PRKG1: variants seen among roughly 807,000 people sequenced by gnomAD.
PRKG1 encodes the protein cGMP-dependent protein kinase 1.
In PRKG1, 35 loss-of-function variants were observed where a neutral mutation model predicts 88.1. The ratio of observed to expected loss-of-function variants is 0.40; its 90% CI spans 0.30 to 0.53. The LOEUF is 0.53. Among genes scored for constraint, PRKG1 ranks in the 20% least tolerant of loss-of-function variants. PRKG1 has a pLI of 0.59. For missense variants in PRKG1, 540 were observed against 839.8 expected (o/e 0.64, Z 4.41); for synonymous variants, 303 against 292.5 (o/e 1.04, Z -0.37).
chr10:51,073,698 G>C (rs1455260959), upstream of PRKG1, among the ~76,000 whole-genome samples: 1 of 152,148 alleles, frequency 6.6e-6, no homozygotes, highest in Non-Finnish European at 1.5e-5. Flanking sequence ...GAGTAGCAAC[G>C]CCTCGGGTGC....
intron 5 of PRKG1, among the ~76,000 whole-genome samples, chr10:51,947,764 A>AG (rs2133045695): frequency 6.6e-6 from 1 of 152,288 alleles, no homozygotes; most frequent in Non-Finnish European, 1.5e-5. Context: ...GACCAGCCAC[A>AG]GGGGGACTCC....
At chr10:51,033,645 G>T (rs936727157) in intron 1 of PRKG1, among the ~76,000 whole-genome samples, 9 of 152,128 alleles carry the variant, frequency 5.9e-5, no homozygotes, top group African/African-American at 9.7e-5. Flanking sequence ...ATTTCGGAGT[G>T]AAGAGTTATG....
intron 3 of PRKG1, among the ~76,000 whole-genome samples, chr10:51,493,163 G>T (rs1840752354): frequency 6.6e-6 from 1 of 151,884 alleles, no homozygotes; most frequent in African/African-American, 2.4e-5. Flanking sequence ...CACTCCCCTT[G>T]AATATTTAGA....
intron 2 of PRKG1, among the ~76,000 whole-genome samples, chr10:51,359,476 A>G (rs2132583417): frequency 6.6e-6 from 1 of 151,692 alleles, no homozygotes; most frequent in South Asian, 2.1e-4. Flanking sequence ...GTGTGTGTGT[A>G]TACAGGGTCC....
intron 2 of PRKG1, among the ~76,000 whole-genome samples, chr10:51,196,716 T>A (rs954277032): frequency 6.6e-6 from 1 of 152,114 alleles, no homozygotes; most frequent in African/African-American, 2.4e-5. Context: ...TGTGGATAGG[T>A]GTGACTCATA....
At chr10:51,570,801 C>T (rs2132167442) in intron 3 of PRKG1, among the ~76,000 whole-genome samples, 1 of 151,794 alleles carries the variant, frequency 6.6e-6, no homozygotes, top group South Asian at 2.1e-4. Flanking sequence ...GAAATGAGAT[C>T]ACTTCTTTTT....
chr10:51,211,641 C>T (rs1490151903), intron 2 of PRKG1, among the ~76,000 whole-genome samples: 1 of 152,124 alleles, frequency 6.6e-6, no homozygotes, highest in Non-Finnish European at 1.5e-5. Context: ...AATCAATGTA[C>T]AAAAATCACA....
In PRKG1 at chr10:51,304,838, A is replaced by T. The variant is rs1589337776; in HGVS notation, c.478+151508A>T. Among the ~76,000 whole-genome samples, 3 of 152,142 alleles carry T rather than the reference A, an allele frequency of 2.0e-5. No homozygotes were observed. In the East Asian group the frequency reaches 5.8e-4, roughly 29 times the overall value. ...TCATCATTTTTTATGGCTGCATAGTATTCCATGGTGTATATGTGCCACATA... is the reference window on the plus strand; with the variant it reads ...TCATCATTTTTTATGGCTGCATAGTTTTCCATGGTGTATATGTGCCACATA... On this transcript the variant is annotated intron_variant, in intron 2 of 17. Coordinates refer to ENST00000373980, the MANE Select transcript of PRKG1 (RefSeq NM_006258.4).
chr10:52,244,754 A>C (rs1248969991), intron 9 of PRKG1, among the ~76,000 whole-genome samples: 2 of 58,828 alleles, frequency 3.4e-5, no homozygotes, highest in Non-Finnish European at 9.9e-5. Context: ...TTAAATATAT[A>C]TTAAGATATA....
chr10:51,534,666 C>CAAAAA (rs10626534), intron 3 of PRKG1, among the ~76,000 whole-genome samples: 4 of 120,774 alleles, frequency 3.3e-5, no homozygotes, highest in Non-Finnish European at 5.0e-5. Flanking sequence ...GACTCTGTCT[C>CAAAAA]AAAAAAAAAA....
intron 3 of PRKG1, among the ~76,000 whole-genome samples, chr10:51,720,500 C>A (rs10999077): frequency 0.084 from 12,792 of 152,290 alleles, 586 homozygotes; most frequent in South Asian, 0.091. Context: ...CACAGTAACT[C>A]TCAACAATAT....
chr10:51,430,992 T>C (rs1018719487), intron 2 of PRKG1, among the ~76,000 whole-genome samples: 2 of 152,192 alleles, frequency 1.3e-5, no homozygotes, highest in African/African-American at 4.8e-5. Context: ...GATGGAGATG[T>C]TCTTAAGCTG....
At chr10:52,072,422 A>G (rs1846526619) in intron 7 of PRKG1, among the ~76,000 whole-genome samples, 1 of 152,082 alleles carries the variant, frequency 6.6e-6, no homozygotes, top group South Asian at 2.1e-4. Flanking sequence ...GGATTTATAA[A>G]GAGGAGATTA....
chr10:51,860,629 G>A (rs116574774), intron 4 of PRKG1, among the ~76,000 whole-genome samples: 54 of 152,252 alleles, frequency 3.5e-4, no homozygotes, highest in African/African-American at 1.1e-3. Flanking sequence ...CCATCACATC[G>A]TGCTCTAAGG....
chr10:51,396,395 G>T (rs1378121794), intron 2 of PRKG1, among the ~76,000 whole-genome samples: 1 of 141,814 alleles, frequency 7.1e-6, no homozygotes, highest in Non-Finnish European at 1.5e-5. Flanking sequence ...AACTGTCACT[G>T]AAAAAAAAAA....
At chr10:51,831,256 T>C (rs1182304760) in intron 4 of PRKG1, among the ~76,000 whole-genome samples, 3 of 152,170 alleles carry the variant, frequency 2.0e-5, no homozygotes, top group Non-Finnish European at 4.4e-5. Context: ...GTGTCACTTA[T>C]TTATGTATTT....
intron 2 of PRKG1, among the ~76,000 whole-genome samples, chr10:51,355,325 C>G (rs879271958): frequency 2.0e-5 from 3 of 151,900 alleles, no homozygotes; most frequent in Non-Finnish European, 4.4e-5. Flanking sequence ...GTTTTAAGTT[C>G]CTTTGAATAT....
chr10:51,824,621 G>A (rs896622969), intron 4 of PRKG1, among the ~76,000 whole-genome samples: 4 of 152,164 alleles, frequency 2.6e-5, no homozygotes, highest in Non-Finnish European at 5.9e-5. Flanking sequence ...TCTACAGGCT[G>A]TATGAGCATA....
chr10:51,866,157 ATAT>A (rs201058127), intron 4 of PRKG1, among the ~76,000 whole-genome samples: 1,867 of 152,118 alleles, frequency 0.012, 43 homozygotes, highest in African/African-American at 0.042. Flanking sequence ...CTTATGAGAT[ATAT>A]TAATTTAAAC....
Sources: gnomAD v4.1 joint callset for allele counts (sites outside exome capture counted in the v4.1 genomes callset) on GRCh38, gnomAD v4.1.1 for gene constraint, MANE v1.5 for transcripts, NCBI Gene and HGNC (gene_info 2026-07-23, HGNC 2026-07-21) for gene names.